EML1: variants seen among roughly 807,000 people sequenced by gnomAD.
The protein encoded by EML1 is EMAP like 1.
In EML1, 27 loss-of-function variants were observed where a neutral mutation model predicts 110.4. The observed-to-expected ratio is 0.24, with a 90% CI of 0.18 to 0.34. The LOEUF (loss-of-function observed/expected upper bound fraction) is 0.34, where lower values mean the gene tolerates loss of function less well. EML1 is among the 10% of genes least tolerant of loss of function. The probability of loss-of-function intolerance (pLI) is 1.00; values close to 1 mark genes in which losing one functional copy is unlikely to be tolerated. For synonymous variants in EML1, 344 were observed against 385.8 expected, an observed-to-expected ratio of 0.89 and a Z score of 1.27; for missense variants, 741 against 1,030.9, an observed-to-expected ratio of 0.72 and a Z score of 3.85.
intron 1 of EML1, among the ~76,000 whole-genome samples, chr14:99,793,850 G>C (rs1489036007): frequency 6.6e-6 from 1 of 150,840 alleles, no homozygotes; most frequent in Non-Finnish European, 1.5e-5. Context: ...GTGGGGCACA[G>C]GGCGGCGGGG....
At chr14:99,856,516 A>G (rs2058904509) in intron 2 of EML1, among the ~76,000 whole-genome samples, 1 of 152,238 alleles carries the variant, frequency 6.6e-6, no homozygotes, top group Non-Finnish European at 1.5e-5. Context: ...ATCCTGGTTA[A>G]CCAAAATTAA....
At chr14:99,822,040 A>C (rs555410095) in intron 1 of EML1, among the ~76,000 whole-genome samples, 31 of 152,256 alleles carry the variant, frequency 2.0e-4, no homozygotes, top group African/African-American at 7.5e-4. Flanking sequence ...CTGGTGTGTG[A>C]GATGAGGGAT....
intron 1 of EML1, among the ~76,000 whole-genome samples, chr14:99,782,689 C>G (rs1232316374): frequency 6.6e-6 from 1 of 152,032 alleles, no homozygotes; most frequent in East Asian, 1.9e-4. Context: ...GTCCTGGGAC[C>G]ATGGCAAAAA....
intron 1 of EML1, among the ~76,000 whole-genome samples, chr14:99,834,019 G>A (rs1466161703): frequency 6.6e-6 from 1 of 152,062 alleles, no homozygotes; most frequent in Non-Finnish European, 1.5e-5. Flanking sequence ...AGATAATATT[G>A]AAATGTGTGA....
intron 9 of EML1, among the ~76,000 whole-genome samples, chr14:99,903,093 G>A (rs2059787681): frequency 6.6e-6 from 1 of 152,196 alleles, no homozygotes; most frequent in African/African-American, 2.4e-5. Context: ...CAGGTTGAGA[G>A]AAACAAATAT....
At chr14:99,838,915 G>A (rs924843771) in intron 1 of EML1, 2 of 116,200 alleles carry the variant, frequency 1.7e-5, no homozygotes, top group Non-Finnish European at 3.6e-5. Flanking sequence ...GTGCGCGCGC[G>A]CGCGTGTGTG....
At position 99,873,824 on chromosome 14, in the gene EML1, G is replaced by A. The variant is rs145382238; in HGVS notation, c.384-4661G>A. Among the ~76,000 whole-genome samples the A allele has an allele frequency of 9.1e-4, 139 of 152,330 alleles. 1 individual carries two copies. Among genetic ancestry groups the A allele is most frequent in the Non-Finnish European group, 1.4e-3 (97 of 68,036 alleles). On this transcript the variant is annotated intron_variant, in intron 3 of 21. Coordinates refer to ENST00000262233, the MANE Select transcript of EML1 (RefSeq NM_004434.3). The stretch of plus-strand genomic sequence containing the variant: ...GTCTGTCAGAATTATCTCCTAATTT[G>A]AGGGACAAAAGCCAGGTGGGTCCTG...
At chr14:99,810,047 T>C (rs1372447543) in intron 1 of EML1, among the ~76,000 whole-genome samples, 1 of 152,178 alleles carries the variant, frequency 6.6e-6, no homozygotes, top group Non-Finnish European at 1.5e-5. Context: ...TGCGGCCCAG[T>C]CAGGGCACTG....
intron 1 of EML1, chr14:99,809,689 C>T (rs549674001): frequency 4.4e-5 from 20 of 456,062 alleles, no homozygotes; most frequent in South Asian, 3.1e-4. Context: ...TTTTTGGTAA[C>T]TTGTTTGCTA....
intron 1 of EML1, among the ~76,000 whole-genome samples, chr14:99,763,093 AG>A (rs993483418): frequency 1.1e-4 from 17 of 152,120 alleles, no homozygotes; most frequent in Non-Finnish European, 2.4e-4. Context: ...CAGTTTTATA[AG>A]GGAGAGTTTC....
intron 9 of EML1, 133 bp from the exon 10 acceptor site, chr14:99,907,504 AG>A: frequency 1.3e-6 from 1 of 752,940 alleles, no homozygotes. Flanking sequence ...AGGTCTCAAA[AG>A]CAATGGATGA....
At chr14:99,760,050 C>A (rs1207621789) in intron 1 of EML1, among the ~76,000 whole-genome samples, 1 of 137,198 alleles carries the variant, frequency 7.3e-6, no homozygotes, top group Non-Finnish European at 1.5e-5. Context: ...GATGTTGCAC[C>A]CCAGCCTGGG....
At chr14:99,865,304 A>G (rs909392510) in intron 2 of EML1, among the ~76,000 whole-genome samples, 41 of 152,262 alleles carry the variant, frequency 2.7e-4, no homozygotes, top group African/African-American at 9.9e-4. Flanking sequence ...ATGAGAATCT[A>G]ATCTGATCTG....
At chr14:99,857,449 A>G (rs1408851466) in intron 2 of EML1, among the ~76,000 whole-genome samples, 2 of 152,222 alleles carry the variant, frequency 1.3e-5, no homozygotes, top group African/African-American at 4.8e-5. Context: ...CACATACCAT[A>G]AAACTGACCC....
chr14:99,776,503 C>CA (rs530358372), intron 1 of EML1, among the ~76,000 whole-genome samples: 1,795 of 108,528 alleles, frequency 0.017, 31 homozygotes, highest in African/African-American at 0.045. Context: ...GACTCCATCT[C>CA]AAAAAAAAAA....
In EML1 at chr14:99,866,570, C is replaced by CAAA. The variant is rs57796662; in HGVS notation, c.383+948_383+950dup. The stretch of plus-strand genomic sequence containing the variant: ...GGGTGACAAGAGCAAAACTCCATCT[C>CAAA]AAAAAAAAAAAAAAAAAAAAAAAAA... On this transcript the variant is annotated intron_variant, in intron 3 of 21. Coordinates refer to ENST00000262233, the MANE Select transcript of EML1 (RefSeq NM_004434.3). 1.0e-3 allele frequency among the ~76,000 whole-genome samples: 81 copies of CAAA among 80,102 alleles called. 5 individuals are homozygous for CAAA. The highest frequency in any genetic ancestry group is 1.9e-3 in the South Asian group (3 of 1,570). The allele number at this position is 80,102 out of a possible 152,430, so 52.6% of individuals were successfully genotyped here. A position where few individuals can be genotyped will look rare whatever the true frequency, so the allele number is the denominator to read the frequency against.
rs952379788 is a variant in EML1 at position 99,937,000 on chromosome 14, C to T, written c.2095+666C>T. ...CTGGAAGTTACTGGAAAGCGCAGCG[C>T]TCCTCCTCTGCGTCTTCTCAGATGA... On this transcript the variant is annotated intron_variant, in intron 19 of 21. Coordinates refer to ENST00000262233, the MANE Select transcript of EML1 (RefSeq NM_004434.3). This position sits in a 1 kb window ranked among gnomAD's most constrained non-coding sequence, Gnocchi z 5.5. 2.0e-5 allele frequency among the ~76,000 whole-genome samples: 3 copies of T among 152,350 alleles called. No homozygotes were observed. The highest frequency in any genetic ancestry group is 7.2e-5 in the African/African-American group (3 of 41,596).
chr14:99,864,949 T>C (rs2059069628), intron 2 of EML1, among the ~76,000 whole-genome samples: 1 of 152,178 alleles, frequency 6.6e-6, no homozygotes, highest in Non-Finnish European at 1.5e-5. Flanking sequence ...TCTCCAGCCT[T>C]TTTGGCACCA....
rs144465007 is a variant in EML1 at position 99,932,548 on chromosome 14, A to C, written c.1910-3481A>C. On this transcript the variant is annotated intron_variant, in intron 17 of 21. Transcript: ENST00000262233. ...CAGCTATCTGGAAGGCTGAGGCAGG[A>C]GAATCGCTTGAACTCAGGAGGCAGA... is the stretch of plus-strand genomic sequence containing the variant. 7.8e-3 allele frequency among the ~76,000 whole-genome samples: 1,177 copies of C among 151,778 alleles called. 3 individuals carry two copies. Among genetic ancestry groups the C allele is most frequent in the Middle Eastern group, 0.02 (6 of 294 alleles).
Sources: allele counts gnomAD v4.1 joint callset (sites outside exome capture counted in the v4.1 genomes callset), GRCh38; gene constraint gnomAD v4.1.1; non-coding constraint Gnocchi (gnomAD v3.1); transcripts MANE v1.5; gene names NCBI Gene and HGNC (gene_info 2026-07-23, HGNC 2026-07-21).